The following ADRA1A variants were observed in gnomAD, a reference collection of about 807,000 sequenced individuals.
The protein encoded by ADRA1A is adrenoceptor alpha 1A, also known as alpha-1A adrenergic receptor.
ADRA1A carries 31 observed loss-of-function variants against 29.6 expected under a neutral mutation model. The ratio of observed to expected loss-of-function variants is 1.05; its 90% CI spans 0.79 to 1.41. The LOEUF is 1.41. Among genes scored for constraint, ADRA1A ranks in the 40% most tolerant of loss-of-function variants. The pLI is 0.00. For synonymous variants in ADRA1A, 311 were observed against 254.3 expected, an observed-to-expected ratio of 1.22 and a Z score of -2.12; for missense variants, 619 against 601.1, an observed-to-expected ratio of 1.03 and a Z score of -0.31.
chr8:26,846,523 C>T (rs1585823078), intron 2 of ADRA1A, among the ~76,000 whole-genome samples: 1 of 152,168 alleles, frequency 6.6e-6, no homozygotes, highest in East Asian at 1.9e-4. Flanking sequence ...AATCCTAGCA[C>T]TTTGGGAGGC....
At chr8:26,791,408 T>C (rs960734987) in intron 2 of ADRA1A, among the ~76,000 whole-genome samples, 1 of 152,164 alleles carries the variant, frequency 6.6e-6, no homozygotes, top group South Asian at 2.1e-4. Context: ...GGAGAGGCTA[T>C]ACCTACTTAT....
chr8:26,767,545 A>G (rs920698165), downstream of ADRA1A, among the ~76,000 whole-genome samples: 1 of 152,214 alleles, frequency 6.6e-6, no homozygotes, highest in Non-Finnish European at 1.5e-5. Flanking sequence ...AGAAGAGTGT[A>G]GCAGAAAATT....
intron 2 of ADRA1A, among the ~76,000 whole-genome samples, chr8:26,759,348 A>C (rs1370304035): frequency 6.6e-6 from 1 of 152,224 alleles, no homozygotes; most frequent in Admixed American, 6.5e-5. Context: ...TTTTTATTCA[A>C]TTACTTCCCA....
intron 2 of ADRA1A, among the ~76,000 whole-genome samples, chr8:26,781,771 A>T (rs982977166): frequency 2.6e-5 from 4 of 152,228 alleles, no homozygotes; most frequent in Non-Finnish European, 5.9e-5. Flanking sequence ...GCCAAACACC[A>T]CACATCTGAA....
downstream of ADRA1A, among the ~76,000 whole-genome samples, chr8:26,768,359 T>C (rs1472190790): frequency 6.6e-6 from 1 of 152,236 alleles, no homozygotes; most frequent in Non-Finnish European, 1.5e-5. Flanking sequence ...AGACCACTGA[T>C]TGTTGTCGAG....
At chr8:26,797,631 T>C (rs1391584238) in intron 2 of ADRA1A, among the ~76,000 whole-genome samples, 2 of 151,800 alleles carry the variant, frequency 1.3e-5, no homozygotes, top group Admixed American at 1.3e-4. Flanking sequence ...TTAATATATT[T>C]TTTAAATTTC....
intron 2 of ADRA1A, among the ~76,000 whole-genome samples, chr8:26,759,403 A>G (rs1805380366): frequency 6.6e-6 from 1 of 152,180 alleles, no homozygotes; most frequent in African/African-American, 2.4e-5. Flanking sequence ...GAAAACTAGC[A>G]ATGGATTGTT....
intron 2 of ADRA1A, among the ~76,000 whole-genome samples, chr8:26,837,632 C>T (rs1811478014): frequency 7.3e-6 from 1 of 137,376 alleles, no homozygotes; most frequent in African/African-American, 2.8e-5. Flanking sequence ...GCCTGGGTGA[C>T]AGAGAGAGAC....
intron 2 of ADRA1A, among the ~76,000 whole-genome samples, chr8:26,835,154 A>G (rs773528164): frequency 3.9e-5 from 6 of 152,216 alleles, no homozygotes; most frequent in Non-Finnish European, 8.8e-5. Context: ...TGACTGCACC[A>G]TTATATAACT....
At chr8:26,797,042 C>A (rs2130456234) in intron 2 of ADRA1A, among the ~76,000 whole-genome samples, 1 of 152,234 alleles carries the variant, frequency 6.6e-6, no homozygotes, top group South Asian at 2.1e-4. Context: ...GCAGTATTTG[C>A]CTTTGCCACT....
intron 2 of ADRA1A, among the ~76,000 whole-genome samples, chr8:26,789,189 C>A (rs1807632325): frequency 6.6e-6 from 1 of 151,820 alleles, no homozygotes; most frequent in African/African-American, 2.4e-5. Flanking sequence ...CCACAAAAGA[C>A]CCCAAATGGC....
rs1298853345 is a variant in ADRA1A, at chr8:26,798,283, T to C, written c.884-27617A>G. Among the ~76,000 whole-genome samples, 3 of 152,180 alleles carry C rather than the reference T, an allele frequency of 2.0e-5. No individual in the cohort carries two copies. The East Asian group carries it at 5.8e-4, about 29-fold the overall frequency. ...TGTGAGCCACTGTACCTGGCTAGTC[T>C]TGAATAACTTCTAGTGATGTTCCAA... On this transcript the variant is annotated intron_variant, in intron 2 of 2. Coordinates refer to ENST00000380573, the MANE Select transcript of ADRA1A (RefSeq NM_000680.4).
chr8:26,856,811 T>A (rs1372075646), intron 2 of ADRA1A, among the ~76,000 whole-genome samples: 1 of 152,242 alleles, frequency 6.6e-6, no homozygotes, highest in East Asian at 1.9e-4. Flanking sequence ...GATTAATGTC[T>A]ATCTCCTTCT....
rs35677516 is a variant in ADRA1A at position 26,796,902 on chromosome 8, C to T, written c.884-26236G>A. Among the ~76,000 whole-genome samples, 9 of 152,018 alleles carry T rather than the reference C, an allele frequency of 5.9e-5. No individual in the cohort carries two copies. The highest frequency in any genetic ancestry group is 3.4e-3 in the Middle Eastern group (1 of 294). On this transcript the variant is annotated intron_variant, in intron 2 of 2. Transcript: ENST00000380573. This position sits in a 1 kb window ranked among gnomAD's most constrained non-coding sequence, Gnocchi z 5.0. ...ATTGGAGAGGTTTATTCCCTCACTG[C>T]GCAAATTTTTATAGAGATGAGACTG...
chr8:26,769,760 C>A lies in ADRA1A; in HGVS notation c.*389G>T, dbSNP rs760598565. Reference sequence around the variant, plus strand: ...TGAGCCTGAAAATAAAATCCCCTCACTTCCATCAAGAAATAGCTCCAAACT... The same window carrying A: ...TGAGCCTGAAAATAAAATCCCCTCAATTCCATCAAGAAATAGCTCCAAACT... On this transcript the variant is annotated 3_prime_UTR_variant, in exon 3 of 3. Coordinates refer to ENST00000380573, the MANE Select transcript of ADRA1A (RefSeq NM_000680.4). The A allele has an allele frequency of 1.8e-5, 18 of 995,212 alleles. No individual in the cohort carries two copies. The highest frequency in any genetic ancestry group is 1.9e-5 in the Non-Finnish European group (16 of 836,846). 61.6% of individuals were successfully genotyped at this position (995,212 alleles called of 1,614,324 possible). A position where few individuals can be genotyped will look rare whatever the true frequency, so the allele number is the denominator to read the frequency against.
chr8:26,771,513 G>A (rs574624415), intron 2 of ADRA1A, among the ~76,000 whole-genome samples: 1 of 152,298 alleles, frequency 6.6e-6, no homozygotes, highest in African/African-American at 2.4e-5. Context: ...TGCACGGCAG[G>A]AACCAGGCCT....
intron 2 of ADRA1A, among the ~76,000 whole-genome samples, chr8:26,809,781 T>C (rs1331546300): frequency 6.6e-6 from 1 of 152,174 alleles, no homozygotes. Flanking sequence ...AATCTATTGA[T>C]TTAGCCTCAA....
chr8:26,829,591 G>A (rs1810825010), intron 2 of ADRA1A, among the ~76,000 whole-genome samples: 4 of 152,094 alleles, frequency 2.6e-5, no homozygotes, highest in African/African-American at 4.8e-5. Flanking sequence ...AATAACAAGT[G>A]AATAGTCGGT....
At chr8:26,765,958 C>CAGTTGTGAAAAGA (rs1391475635), downstream of ADRA1A, 2 of 1,102,188 alleles carry the variant, frequency 1.8e-6, no homozygotes, top group Non-Finnish European at 1.1e-6. Context: ...ATCCAGTTTT[C>CAGTTGTGAAAAGA]ACTTAGGAAC....
Sources: allele counts gnomAD v4.1 joint callset (sites outside exome capture counted in the v4.1 genomes callset), GRCh38; gene constraint gnomAD v4.1.1; non-coding constraint Gnocchi (gnomAD v3.1); transcripts MANE v1.5; gene names NCBI Gene and HGNC (gene_info 2026-07-23, HGNC 2026-07-21).